Variants in CUL4B observed in about 807,000 individuals in gnomAD.
CUL4B encodes the protein cullin 4B, also known as cullin-4B.
Under a neutral mutation model 69.2 loss-of-function variants are expected in CUL4B, and 1 was observed. The observed-to-expected ratio is 0.01, with a 90% CI of 0.01 to 0.07. CUL4B has a LOEUF of 0.07. Ranked by LOEUF, CUL4B falls within the 10% of genes least tolerant of loss-of-function variation. The pLI is 1.00. For synonymous variants in CUL4B, 237 were observed against 223.2 expected (o/e 1.06, Z -0.55); for missense variants, 328 against 638.8 (o/e 0.51, Z 5.24).
intron 12 of CUL4B, 115 bp from the exon 13 acceptor site, chrX:120,538,885 T>C (rs1203134997): frequency 1.8e-5 from 9 of 487,955 alleles, no homozygotes; most frequent in Non-Finnish European, 3.1e-5. Context: ...CTTTACACAT[T>C]TTATTTAAGT....
intron 1 of CUL4B, chrX:120,559,744 A>C: frequency 9.8e-7 from 1 of 1,017,553 alleles, no homozygotes; most frequent in Non-Finnish European, 1.3e-6. Context: ...ATGCACCTGA[A>C]ATAAATAAAC....
intron 2 of CUL4B, among the ~76,000 whole-genome samples, chrX:120,550,158 T>C (rs1320916704): frequency 8.9e-6 from 1 of 111,995 alleles, no homozygotes; most frequent in Non-Finnish European, 1.9e-5. Flanking sequence ...GACTTAGTCA[T>C]TGAGTCAACA....
upstream of CUL4B, among the ~76,000 whole-genome samples, chrX:120,565,728 T>C (rs1292737565): frequency 3.2e-5 from 3 of 94,613 alleles, no homozygotes; most frequent in Non-Finnish European, 4.2e-5. Context: ...TTTACTTTTT[T>C]TTTTTTTTTT....
In CUL4B at chrX:120,523,872, G is replaced by A. The variant is rs1447539216; in HGVS notation, c.*2889C>T. Among the ~76,000 whole-genome samples, 1 of 111,237 alleles carries A rather than the reference G, an allele frequency of 9.0e-6. No homozygotes were observed. The highest frequency in any genetic ancestry group is 1.9e-5 in the Non-Finnish European group (1 of 53,057). On this transcript the variant is annotated 3_prime_UTR_variant, in exon 20 of 20. Transcript: ENST00000371322. ...AATTATGCAAATTTTCATCAGTACT[G>A]CTCTTTTCTTTTTAATGAACAATTT...
At chrX:120,571,507 A>G (rs1925711191) in exon 3 of CUL4B, 1 of 111,427 alleles carries the variant, frequency 9.0e-6, no homozygotes, top group South Asian at 3.8e-4. Flanking sequence ...TGGACTCTCT[A>G]TGGTCCACAA....
intron 1 of CUL4B, chrX:120,559,864 T>C: frequency 3.5e-6 from 4 of 1,145,072 alleles, no homozygotes; most frequent in Non-Finnish European, 4.6e-6. Flanking sequence ...GACCTCAAAA[T>C]ACTGCACAGA....
In CUL4B at chrX:120,574,553, C is replaced by T. The variant is rs145808703; in HGVS notation, c.65G>A (p.Gly22Asp). ...GTTTTACTAGTTCATTTACTCACCA[C>T]CGTCTTTAGAGGTAGTAGCCTCATC... The change falls in exon 2 of 3, where the codon GGT becomes GAT. Residue 22 changes from glycine (G) to aspartate (D), a missense_variant and splice_region_variant. Physicochemically the swap from Gly to Asp is moderately conservative, Grantham distance 94 (BLOSUM62 -1). Transcript: ENST00000486604. 3.0e-4 allele frequency: 364 copies of T among 1,197,465 alleles called. No individual in the cohort carries two copies. The highest frequency in any genetic ancestry group is 2.3e-3 in the South Asian group (132 of 56,548).
chrX:120,528,273 G>A (rs988155675), intron 19 of CUL4B, among the ~76,000 whole-genome samples: 1 of 109,452 alleles, frequency 9.1e-6, no homozygotes, highest in Non-Finnish European at 1.9e-5. Flanking sequence ...CAGGTGTGGT[G>A]GTGGGCGCCT....
intron 2 of CUL4B, 67 bp downstream of exon 2, chrX:120,557,857 G>A: frequency 1.4e-6 from 1 of 734,934 alleles, no homozygotes; most frequent in Non-Finnish European, 2.0e-6. Context: ...ATTTCAGAAA[G>A]CAAAATCCAT....
In CUL4B at chrX:120,534,566, G is replaced by C; in HGVS notation, c.2181C>G (p.Val727=). ...EFKEGKKELQ[V]SLFQTLVLLM... ...GCAGCACCAGTGTTTGAAAAAGAGAGACCTGGAGTTCCTTTTTACCCTGTT... is the reference window on the plus strand; with the variant it reads ...GCAGCACCAGTGTTTGAAAAAGAGACACCTGGAGTTCCTTTTTACCCTGTT... Residue 727 remains valine (V), a synonymous_variant, in exon 17 of 20, where the codon GTC becomes GTG. Transcript: ENST00000371322. 8.3e-7 allele frequency: 1 copy of C among 1,198,554 alleles called. No homozygotes were observed. Among genetic ancestry groups the C allele is most frequent in the Non-Finnish European group, 1.1e-6 (1 of 883,880 alleles).
In CUL4B at chrX:120,543,109, A is replaced by G. The variant is rs779408840; in HGVS notation, c.1257-76T>C. The G allele has an allele frequency of 5.4e-3, 3,159 of 586,342 alleles. 10 individuals are homozygous for G. The highest frequency in any genetic ancestry group is 0.013 in the Middle Eastern group (36 of 2,682). 48.3% of individuals were successfully genotyped at this position (586,342 alleles called of 1,213,427 possible). On this transcript the variant is annotated intron_variant, in intron 8 of 19. Coordinates refer to ENST00000371322, the MANE Select transcript of CUL4B (RefSeq NM_001079872.2). Reference sequence around the variant, plus strand: ...AATGTAAAGCCTCTCCTGAGGGGGGAAAAAAATCAAATAGCTCATTTTATG... The same window carrying G: ...AATGTAAAGCCTCTCCTGAGGGGGGGAAAAAATCAAATAGCTCATTTTATG...
chrX:120,545,553 G>A, intron 4 of CUL4B, 36 bp from the exon 5 acceptor site: 1 of 989,407 alleles, frequency 1.0e-6, no homozygotes, highest in Non-Finnish European at 1.4e-6. Context: ...AACAAGTTTT[G>A]TATGTTGTGA....
Position 120,535,914 on chromosome X carries a change from T to C in CUL4B, c.2076A>G (p.Thr692=), listed in dbSNP as rs1318605260. Residue 692 remains threonine, a synonymous_variant, in exon 16 of 20, where the codon ACA becomes ACG. Coordinates refer to ENST00000371322, the MANE Select transcript of CUL4B (RefSeq NM_001079872.2). Reference sequence around the variant, plus strand: ...TGCCACTATGTTTGCCTAGGTAAAATGTCTTGAAAATCTCCTGAAGTTTTA... The same window carrying C: ...TGCCACTATGTTTGCCTAGGTAAAACGTCTTGAAAATCTCCTGAAGTTTTA... ...EMVKLQEIFK[T]FYLGKHSGRK... is the part of the protein sequence containing the mutation. 4 of 1,199,854 alleles carry C rather than the reference T, an allele frequency of 3.3e-6. No individual in the cohort carries two copies. Among genetic ancestry groups the C allele is most frequent in the Non-Finnish European group, 4.5e-6 (4 of 886,869 alleles).
intron 19 of CUL4B, 110 bp downstream of exon 19, chrX:120,529,992 C>T: frequency 8.9e-6 from 7 of 785,955 alleles, no homozygotes; most frequent in Middle Eastern, 4.5e-4. Flanking sequence ...TAAAACTTTT[C>T]TCTCTCTAAA....
chrX:120,553,381 G>T (rs1262137729), intron 2 of CUL4B, among the ~76,000 whole-genome samples: 1 of 111,556 alleles, frequency 9.0e-6, no homozygotes, highest in Non-Finnish European at 1.9e-5. Context: ...TAGTCCTGTG[G>T]TCATCTACTC....
intron 2 of CUL4B, among the ~76,000 whole-genome samples, chrX:120,556,018 A>G (rs1924943140): frequency 9.2e-6 from 1 of 109,148 alleles, no homozygotes; most frequent in African/African-American, 3.3e-5. Context: ...TAATGCTTAT[A>G]TGAGATAATA....
chrX:120,551,863 G>C (rs1387244740), intron 2 of CUL4B, among the ~76,000 whole-genome samples: 1 of 111,427 alleles, frequency 9.0e-6, no homozygotes. Flanking sequence ...TATCAGTCCA[G>C]TTTTGGACAC....
rs1922943624 is a variant in CUL4B, at chrX:120,525,922, T to G, written c.*839A>C. ...AACAATTTACAAAACACGTTCATTT[T>G]GGTCTCTTTTGCAATTTTCTTATTG... On this transcript the variant is annotated 3_prime_UTR_variant, in exon 20 of 20. Transcript: ENST00000371322. The G allele has an allele frequency of 8.9e-6, 1 of 112,014 alleles. No homozygotes were observed. The highest frequency in any genetic ancestry group is 3.2e-5 in the African/African-American group (1 of 30,898). The allele number at this position is 112,014 out of a possible 1,213,427, so 9.2% of individuals were successfully genotyped here. A position where few individuals can be genotyped will look rare whatever the true frequency, so the allele number is the denominator to read the frequency against.
chrX:120,564,826 G>A (rs1434446730), upstream of CUL4B, among the ~76,000 whole-genome samples: 1 of 112,302 alleles, frequency 8.9e-6, no homozygotes, highest in African/African-American at 3.2e-5. Context: ...TACAATTATA[G>A]CCATTATCAG....
Sources: allele counts gnomAD v4.1 joint callset (sites outside exome capture counted in the v4.1 genomes callset), GRCh38; gene constraint gnomAD v4.1.1; transcripts MANE v1.5; gene names NCBI Gene and HGNC (gene_info 2026-07-23, HGNC 2026-07-21).